The following MAP4 variants were observed in gnomAD, a reference collection of about 807,000 sequenced individuals.
MAP4 encodes microtubule associated protein 4.
A neutral mutation model predicts 170.2 loss-of-function variants in MAP4; 76 were observed. That is an observed-to-expected ratio of 0.45 (90% CI 0.37 to 0.54). The LOEUF is 0.54. Among genes scored for constraint, MAP4 ranks in the 20% least tolerant of loss-of-function variants. The pLI, the probability that MAP4 is intolerant of heterozygous loss-of-function variation, is 0.00. For missense variants in MAP4, 2,506 were observed against 2,748.0 expected (o/e 0.91, Z 1.97); for synonymous variants, 909 against 994.5 (o/e 0.91, Z 1.62).
rs1346010181 is a variant in MAP4, at chr3:47,852,697, G to A, written c.*237C>T. On this transcript the variant is annotated 3_prime_UTR_variant, in exon 21 of 21. Coordinates refer to ENST00000683076, the MANE Select transcript of MAP4 (RefSeq NM_001385682.1). ...GGCCCAGGCTGGGGAGTGAGAGGAG[G>A]TGTGGGGCAGGGCTGCTGCTGCCCC... 7.5e-6 allele frequency: 11 copies of A among 1,457,236 alleles called. No homozygotes were observed. The East Asian group carries it at 1.5e-4, about 20-fold the overall frequency. The allele number at this position is 1,457,236 out of a possible 1,614,324, so 90.3% of individuals were successfully genotyped here. A position where few individuals can be genotyped will look rare whatever the true frequency, so the allele number is the denominator to read the frequency against.
chr3:48,036,562 A>G (rs1268490933), intron 1 of MAP4, among the ~76,000 whole-genome samples: 2 of 152,220 alleles, frequency 1.3e-5, no homozygotes, highest in Non-Finnish European at 2.9e-5. Flanking sequence ...CGTCATGTAT[A>G]GAGCTATGGC....
chr3:47,998,878 G>C lies in MAP4; in HGVS notation c.-18C>G. On this transcript the variant is annotated splice_region_variant and 5_prime_UTR_variant, in exon 2 of 21. Transcript: ENST00000683076. ...TCAGCCATTCTGCACCACTGCAACT[G>C]CCTGGTGAAGAGGAAAAAGATCTTT... 6.5e-7 allele frequency: 1 copy of C among 1,536,020 alleles called. No homozygotes were observed. The highest frequency in any genetic ancestry group is 9.0e-7 in the Non-Finnish European group (1 of 1,109,098).
At chr3:47,939,258 A>G (rs1488239675) in intron 3 of MAP4, among the ~76,000 whole-genome samples, 1 of 152,288 alleles carries the variant, frequency 6.6e-6, no homozygotes. Flanking sequence ...CCTTAAGCAC[A>G]TGTTTTCCTG....
At chr3:48,049,150 CAT>C (rs1295374146) in intron 1 of MAP4, among the ~76,000 whole-genome samples, 1 of 152,198 alleles carries the variant, frequency 6.6e-6, no homozygotes, top group Non-Finnish European at 1.5e-5. Context: ...CTATGGATGT[CAT>C]ATGTTTTGCT....
At chr3:47,875,258 C>CA (rs2094927915) in intron 12 of MAP4, among the ~76,000 whole-genome samples, 1 of 151,876 alleles carries the variant, frequency 6.6e-6, no homozygotes, top group African/African-American at 2.4e-5. Flanking sequence ...GGAATTATAC[C>CA]AAAAAAGAAT....
chr3:47,860,565 T>C (rs1008627732), intron 17 of MAP4, among the ~76,000 whole-genome samples: 3 of 152,194 alleles, frequency 2.0e-5, no homozygotes, highest in African/African-American at 7.2e-5. Flanking sequence ...AGTATGCAAT[T>C]AAAGAATAGT....
At chr3:47,866,369 A>AACAT (rs1465234630) in intron 17 of MAP4, among the ~76,000 whole-genome samples, 1 of 151,522 alleles carries the variant, frequency 6.6e-6, no homozygotes, top group African/African-American at 2.4e-5. Context: ...CAAACAAACA[A>AACAT]ACAAACAAAA....
intron 17 of MAP4, among the ~76,000 whole-genome samples, chr3:47,860,953 T>G (rs937329620): frequency 2.6e-5 from 4 of 152,224 alleles, no homozygotes; most frequent in Non-Finnish European, 5.9e-5. Context: ...CCAGGCACAG[T>G]GGCTCACACC....
chr3:47,994,068 T>C lies in MAP4; in HGVS notation c.223+4570A>G, dbSNP rs138947832. 7.5e-3 allele frequency among the ~76,000 whole-genome samples: 1,143 copies of C among 152,266 alleles called. 5 individuals are homozygous for C. Among genetic ancestry groups the C allele is most frequent in the Middle Eastern group, 0.014 (4 of 294 alleles). ...TGTTTCCTAATCTTTAAAAAAATCT[T>C]TGGTAGCAACAAAAAATTAAAAACT... On this transcript the variant is annotated intron_variant, in intron 2 of 20. Transcript: ENST00000683076.
intron 3 of MAP4, among the ~76,000 whole-genome samples, chr3:47,946,888 G>A (rs1046865167): frequency 2.0e-5 from 3 of 151,978 alleles, no homozygotes; most frequent in Non-Finnish European, 4.4e-5. Context: ...AAAAGTTTTT[G>A]GTTTAAAGCC....
chr3:47,893,224 G>C (rs1463398571), intron 10 of MAP4, among the ~76,000 whole-genome samples: 2 of 152,164 alleles, frequency 1.3e-5, no homozygotes, highest in East Asian at 3.8e-4. Flanking sequence ...TTCATTTAAA[G>C]ACTTCAGTGA....
In MAP4 at chr3:48,028,719, C is replaced by T. The variant is rs186755812; in HGVS notation, c.-19-29840G>A. On this transcript the variant is annotated intron_variant, in intron 1 of 18. Transcript: ENST00000360240. ...CCCAGGAGGCGGAGGTGGCAGTGAGCCAAGATTGCGCCACTGCACTCCAGC... is the reference window on the plus strand; with the variant it reads ...CCCAGGAGGCGGAGGTGGCAGTGAGTCAAGATTGCGCCACTGCACTCCAGC... Among the ~76,000 whole-genome samples the T allele has an allele frequency of 2.2e-3, 339 of 151,862 alleles. 7 individuals carry two copies. The highest frequency in any genetic ancestry group is 0.012 in the East Asian group (62 of 5,170).
rs1407215226 is a variant in MAP4 at position 47,869,283 on chromosome 3, C to G, written c.6339G>C (p.Lys2113Asn). 4 of 1,614,028 alleles carry G rather than the reference C, an allele frequency of 2.5e-6. No homozygotes were observed. Among genetic ancestry groups the G allele is most frequent in the Non-Finnish European group, 3.4e-6 (4 of 1,180,030 alleles). Residue 2113 changes from lysine (K) to asparagine (N), a missense_variant, in exon 16 of 21, where the codon AAG (lysine) becomes AAC (asparagine). Coordinates refer to ENST00000683076, the MANE Select transcript of MAP4 (RefSeq NM_001385682.1). ...KKTEAAATTRKPESNAVTKTA... is the reference protein window; with the variant it reads ...KKTEAAATTRNPESNAVTKTA... ...TTTTAGTGACTGCATTAGATTCAGG[C>G]TTTCGGGTTGTAGCAGCTGCCTCTG...
chr3:47,947,062 T>C (rs2100060498), intron 3 of MAP4, among the ~76,000 whole-genome samples: 2 of 152,178 alleles, frequency 1.3e-5, no homozygotes, highest in South Asian at 2.1e-4. Context: ...AGCTCTAAAC[T>C]GAAGAAGAAA....
chr3:48,085,565 C>A (rs899921637), intron 1 of MAP4, among the ~76,000 whole-genome samples: 3 of 152,200 alleles, frequency 2.0e-5, no homozygotes, highest in African/African-American at 7.2e-5. Context: ...AGACATCCTC[C>A]AGCACTGTAT....
chr3:47,937,656 CTTTTTTTTTTTTT>C (rs71070243), intron 3 of MAP4, among the ~76,000 whole-genome samples: 1 of 107,934 alleles, frequency 9.3e-6, no homozygotes, highest in Non-Finnish European at 1.8e-5. Context: ...TTTTCTTCTT[CTTTTTTTTTTTTT>C]TTTTTTTTTG....
At chr3:47,951,236 G>A (rs1404945766) in intron 3 of MAP4, among the ~76,000 whole-genome samples, 1 of 152,138 alleles carries the variant, frequency 6.6e-6, no homozygotes, top group Non-Finnish European at 1.5e-5. Flanking sequence ...GTAGTAAAAT[G>A]CAATGCTACC....
At chr3:48,010,428 T>G (rs916053546) in intron 1 of MAP4, among the ~76,000 whole-genome samples, 1 of 152,244 alleles carries the variant, frequency 6.6e-6, no homozygotes, top group African/African-American at 2.4e-5. Context: ...TAAGATTTAT[T>G]GATTTCATAA....
chr3:47,860,874 G>A (rs971851389), intron 17 of MAP4, among the ~76,000 whole-genome samples: 6 of 152,120 alleles, frequency 3.9e-5, no homozygotes, highest in Non-Finnish European at 7.3e-5. Context: ...GTAATTAGAA[G>A]AATCCAGATT....
Sources: gnomAD v4.1 joint callset for allele counts (sites outside exome capture counted in the v4.1 genomes callset) on GRCh38, gnomAD v4.1.1 for gene constraint, MANE v1.5 for transcripts, NCBI Gene and HGNC (gene_info 2026-07-23, HGNC 2026-07-21) for gene names.